Variants in RHAG observed in about 807,000 individuals in gnomAD.
RHAG encodes the protein Rh associated glycoprotein.
In RHAG, 25 loss-of-function variants were observed where a neutral mutation model predicts 42.4. That is an observed-to-expected ratio of 0.59 (90% confidence interval 0.43 to 0.82). The LOEUF (loss-of-function observed/expected upper bound fraction) is 0.82. RHAG is among the 40% of genes least tolerant of loss of function. RHAG has a pLI of 0.00. For synonymous variants in RHAG, 182 were observed against 177.7 expected (o/e 1.02, Z -0.19); for missense variants, 483 against 504.6 (o/e 0.96, Z 0.41).
chr6:49,614,732 G>A lies in RHAG; in HGVS notation c.762C>T (p.Ala254=), dbSNP rs970398737. The change falls in exon 5 of 10, where the codon GCC becomes GCT. Residue 254 remains alanine (A), a synonymous_variant. Transcript: ENST00000371175. ...YFSLAACVLT[A]FAFSSLVEHR... is the part of the protein sequence containing the mutation. ...GCTCCACTAGGCTGGAGAAGGCAAAGGCTGTGAGCACACAGGCAGCGAGAG... is the reference window on the plus strand; with the variant it reads ...GCTCCACTAGGCTGGAGAAGGCAAAAGCTGTGAGCACACAGGCAGCGAGAG... The A allele has an allele frequency of 1.2e-6, 2 of 1,613,968 alleles. No homozygotes were observed. The highest frequency in any genetic ancestry group is 1.7e-6 in the Non-Finnish European group (2 of 1,180,044).
At chr6:49,619,477 G>T in intron 1 of RHAG, 115 bp from the exon 2 acceptor site, 1 of 998,060 alleles carries the variant, frequency 1.0e-6, no homozygotes, top group Non-Finnish European at 1.5e-6. Context: ...ACTAGGAAAA[G>T]AGAGCATTTA....
intron 1 of RHAG, among the ~76,000 whole-genome samples, chr6:49,626,452 G>A (rs1333641267): frequency 6.6e-6 from 1 of 152,168 alleles, no homozygotes; most frequent in Non-Finnish European, 1.5e-5. Context: ...TCACATCCAG[G>A]TCACACTGAT....
intron 2 of RHAG, 78 bp downstream of exon 2, chr6:49,619,100 AT>A: frequency 3.4e-6 from 5 of 1,480,622 alleles, no homozygotes; most frequent in Non-Finnish European, 4.7e-6. Context: ...ACCTCTTAAT[AT>A]CATCATGTTG....
rs1189581795 is a variant in RHAG at position 49,614,756 on chromosome 6, A to C, written c.738T>G (p.Ser246=). 6.2e-7 allele frequency: 1 copy of C among 1,613,954 alleles called. No individual in the cohort carries two copies. The part of the protein sequence containing the change: ...QCRAIVNTYF[S]LAACVLTAFA... ...AGGCTGTGAGCACACAGGCAGCGAG[A>C]GAGAAGTACGTGTTTACAATGGCCC... The change falls in exon 5 of 10, where the codon TCT becomes TCG. Residue 246 remains serine (S), a synonymous_variant. Coordinates refer to ENST00000371175, the MANE Select transcript of RHAG (RefSeq NM_000324.3).
chr6:49,614,857 T>C lies in RHAG; in HGVS notation c.641-4A>G, dbSNP rs1318685564. On this transcript the variant is annotated splice_polypyrimidine_tract_variant and splice_region_variant and intron_variant, in intron 4 of 9. Coordinates refer to ENST00000371175, the MANE Select transcript of RHAG (RefSeq NM_000324.3). Reference sequence around the variant, plus strand: ...AACATCCACAGAAAGAGAGTCCCTGTAGTGAACCAAAAGAGGGGATATTAG... The same window carrying C: ...AACATCCACAGAAAGAGAGTCCCTGCAGTGAACCAAAAGAGGGGATATTAG... 5.6e-6 allele frequency: 9 copies of C among 1,613,952 alleles called. No homozygotes were observed. The highest frequency in any genetic ancestry group is 1.3e-5 in the African/African-American group (1 of 74,922).
Position 49,618,143 on chromosome 6 carries a change from G to T in RHAG, c.417C>A (p.Thr139=). 6.2e-7 allele frequency: 1 copy of T among 1,614,048 alleles called. No homozygotes were observed. The highest frequency in any genetic ancestry group is 8.5e-7 in the Non-Finnish European group (1 of 1,179,938). The change falls in exon 3 of 10, where the codon ACC becomes ACA. Residue 139 remains threonine (T), a synonymous_variant. Coordinates refer to ENST00000371175, the MANE Select transcript of RHAG (RefSeq NM_000324.3). ...CTAAAATTGTCATGATCAGCATTTG[G>T]GTGGGGCTCGTTTTTCCCAGGACAG... is the stretch of plus-strand genomic sequence containing the variant. ...FGAVLGKTSP[T]QMLIMTILEI... is the part of the protein sequence containing the mutation.
Position 49,615,612 on chromosome 6 carries a change from A to G in RHAG, c.640+12T>C. ...AAATAGATAAGATTCAAGCAAGTTT[A>G]TCCACACTCACCAATCATTGCAAAC... On this transcript the variant is annotated intron_variant, in intron 4 of 9. Coordinates refer to ENST00000371175, the MANE Select transcript of RHAG (RefSeq NM_000324.3). 6.2e-7 allele frequency: 1 copy of G among 1,613,970 alleles called. No homozygotes were observed. Among genetic ancestry groups the G allele is most frequent in the Non-Finnish European group, 8.5e-7 (1 of 1,179,904 alleles).
At chr6:49,617,609 TG>T (rs368754271) in intron 3 of RHAG, among the ~76,000 whole-genome samples, 1,804 of 152,258 alleles carry the variant, frequency 0.012, 27 homozygotes, top group African/African-American at 0.04. Context: ...TTATTATTCC[TG>T]GGGGGAATCA....
At chr6:49,618,046 G>C (rs1488500375) in intron 3 of RHAG, 22 bp downstream of exon 3, 2 of 1,609,920 alleles carry the variant, frequency 1.2e-6, no homozygotes, top group Non-Finnish European at 1.7e-6. Context: ...AGCTAGGAAA[G>C]TATAAATTTT....
chr6:49,619,617 C>A (rs1405662440), intron 1 of RHAG, among the ~76,000 whole-genome samples: 9 of 152,166 alleles, frequency 5.9e-5, no homozygotes, highest in African/African-American at 2.2e-4. Flanking sequence ...TGTCTTTCAT[C>A]CTGTCCCTGA....
At position 49,605,545 on chromosome 6, in the gene RHAG, T is replaced by C. The variant is rs1057120845; in HGVS notation, c.*268A>G. ...AGCTTTTTGGGAATCCTGGAGAAGATCTATTTGATTATCTGTTTTATGAGT... is the reference window on the plus strand; with the variant it reads ...AGCTTTTTGGGAATCCTGGAGAAGACCTATTTGATTATCTGTTTTATGAGT... On this transcript the variant is annotated 3_prime_UTR_variant, in exon 10 of 10. Transcript: ENST00000371175. 3.8e-6 allele frequency: 2 copies of C among 529,928 alleles called. No homozygotes were observed. Among genetic ancestry groups the C allele is most frequent in the African/African-American group, 3.8e-5 (2 of 52,202 alleles). 32.8% of individuals were successfully genotyped at this position (529,928 alleles called of 1,614,324 possible).
rs1375607247 is a variant in RHAG, at chr6:49,618,167, A to G, written c.393T>C (p.Ala131=). Residue 131 remains alanine, a synonymous_variant, in exon 3 of 10, where the codon GCT becomes GCC. Coordinates refer to ENST00000371175, the MANE Select transcript of RHAG (RefSeq NM_000324.3). ...SAATVLISFG[A]VLGKTSPTQM... is the part of the protein sequence containing the mutation. ...GGGTGGGGCTCGTTTTTCCCAGGAC[A>G]GCTCCAAAAGATATCAGAACTGTGG... is the stretch of plus-strand genomic sequence containing the variant. The G allele has an allele frequency of 6.2e-7, 1 of 1,614,180 alleles. No individual in the cohort carries two copies. The highest frequency in any genetic ancestry group is 2.2e-5 in the East Asian group (1 of 44,880).
intron 7 of RHAG, among the ~76,000 whole-genome samples, chr6:49,610,745 CT>C (rs1762558541): frequency 1.3e-5 from 2 of 152,198 alleles, no homozygotes; most frequent in Admixed American, 1.3e-4. Flanking sequence ...TATAATCTGA[CT>C]GTGATTATCA....
rs1762581396 is a variant in RHAG, at chr6:49,612,288, A to G, written c.945+109T>C. The stretch of plus-strand genomic sequence containing the variant: ...CCAAAAAGAAGGCAAATGGTCTCCA[A>G]ATAAAAATGTTTATAAAATAAAACT... On this transcript the variant is annotated intron_variant, in intron 6 of 9. Coordinates refer to ENST00000371175, the MANE Select transcript of RHAG (RefSeq NM_000324.3). 4.8e-6 allele frequency: 6 copies of G among 1,261,766 alleles called. No homozygotes were observed. The South Asian group carries it at 6.1e-5, about 13-fold the overall frequency. The allele number at this position is 1,261,766 out of a possible 1,614,324, so 78.2% of individuals were successfully genotyped here. A position where few individuals can be genotyped will look rare whatever the true frequency, so the allele number is the denominator to read the frequency against.
intron 1 of RHAG, among the ~76,000 whole-genome samples, chr6:49,622,087 A>G (rs1432182322): frequency 6.6e-6 from 1 of 151,910 alleles, no homozygotes; most frequent in Non-Finnish European, 1.5e-5. Flanking sequence ...TCTCCACCCA[A>G]ATCTCATCTT....
intron 7 of RHAG, 151 bp from the exon 8 acceptor site, chr6:49,607,371 ATATTCT>A (rs1762493514): frequency 7.0e-6 from 5 of 711,592 alleles, no homozygotes; most frequent in Non-Finnish European, 1.3e-5. Context: ...TTTTTCTTTC[ATATTCT>A]TATTTTCTTT....
chr6:49,624,800 G>A lies in RHAG; in HGVS notation c.158-5438C>T, dbSNP rs147472959. Among the ~76,000 whole-genome samples the A allele has an allele frequency of 1.3e-3, 204 of 152,230 alleles. 4 individuals are homozygous for A. The East Asian group carries it at 0.018, about 13-fold the overall frequency. On this transcript the variant is annotated intron_variant, in intron 1 of 9. Transcript: ENST00000371175. ...AACACACTTTTATGTTTTGATATTC[G>A]TGTATATTAAGGACTATCACATGTA...
chr6:49,631,679 G>T (rs990495634), intron 1 of RHAG, among the ~76,000 whole-genome samples: 9 of 152,184 alleles, frequency 5.9e-5, no homozygotes, highest in African/African-American at 1.7e-4. Flanking sequence ...AGTGGGGAAT[G>T]ATATTTCAAA....
intron 1 of RHAG, among the ~76,000 whole-genome samples, chr6:49,624,271 T>C (rs1350761524): frequency 6.6e-6 from 1 of 152,176 alleles, no homozygotes; most frequent in Non-Finnish European, 1.5e-5. Context: ...AGTGGCGCAA[T>C]CTCGGCTCAC....
Sources: allele counts gnomAD v4.1 joint callset (sites outside exome capture counted in the v4.1 genomes callset), GRCh38; gene constraint gnomAD v4.1.1; transcripts MANE v1.5; gene names NCBI Gene and HGNC (gene_info 2026-07-23, HGNC 2026-07-21).